The following AUTS2 variants were observed in gnomAD, a reference collection of about 807,000 sequenced individuals.
The protein encoded by AUTS2 is activator of transcription and developmental regulator AUTS2, also known as autism susceptibility gene 2 protein.
Under a neutral mutation model 112.4 loss-of-function variants are expected in AUTS2, and 17 were observed. The ratio of observed to expected loss-of-function variants is 0.15; its 90% CI spans 0.10 to 0.23. AUTS2 has a LOEUF of 0.23. Among genes scored for constraint, AUTS2 ranks in the 10% least tolerant of loss-of-function variants. The pLI is 1.00. For synonymous variants in AUTS2, 751 were observed against 702.7 expected, an observed-to-expected ratio of 1.07 and a Z score of -1.09; for missense variants, 1,510 against 1,701.6, an observed-to-expected ratio of 0.89 and a Z score of 1.98.
intron 1 of AUTS2, among the ~76,000 whole-genome samples, chr7:69,718,379 G>A (rs1445640555): frequency 2.6e-5 from 4 of 152,146 alleles, no homozygotes; most frequent in East Asian, 1.9e-4. Context: ...GGTGTCAGGG[G>A]GCTGTGTTCC....
Position 69,599,497 on chromosome 7 carries a change from C to G in AUTS2, c.-157C>G. ...CTTTTCTTTCTCCTCTCTTTCTTCCCCTCTCTCCCTTCTTTCGGCCGCCGT... is the reference window on the plus strand; with the variant it reads ...CTTTTCTTTCTCCTCTCTTTCTTCCGCTCTCTCCCTTCTTTCGGCCGCCGT... On this transcript the variant is annotated 5_prime_UTR_variant, in exon 1 of 19. Coordinates refer to ENST00000342771, the MANE Select transcript of AUTS2 (RefSeq NM_015570.4). This position sits in a 1 kb window ranked among gnomAD's most constrained non-coding sequence, Gnocchi z 7.0. The G allele has an allele frequency of 3.5e-6, 2 of 573,612 alleles. No individual in the cohort carries two copies. Among genetic ancestry groups the G allele is most frequent in the Non-Finnish European group, 5.1e-6 (2 of 392,636 alleles). The allele number at this position is 573,612 out of a possible 1,614,324, so 35.5% of individuals were successfully genotyped here.
At chr7:69,876,338 AAAAAAAAAAAAATATATAT>A (rs1793746091) in intron 1 of AUTS2, among the ~76,000 whole-genome samples, 1 of 88,658 alleles carries the variant, frequency 1.1e-5, no homozygotes, top group Non-Finnish European at 2.1e-5. Context: ...AAAAAAAAAA[AAAAAAAAAAAAATATATAT>A]ATATATATAT....
chr7:70,319,380 G>A (rs1269655159), intron 4 of AUTS2, among the ~76,000 whole-genome samples: 1 of 152,180 alleles, frequency 6.6e-6, no homozygotes, highest in Non-Finnish European at 1.5e-5. Flanking sequence ...AAGGAGACAG[G>A]TGAGGGTGCA....
Position 70,791,703 on chromosome 7 carries a change from C to A in AUTS2, c.*707C>A, listed in dbSNP as rs1010308137. On this transcript the variant is annotated 3_prime_UTR_variant, in exon 19 of 19. Transcript: ENST00000342771. Reference sequence around the variant, plus strand: ...AGGTCATATTTTCCCTGAACAAGCGCTTACGTGATATGACTCTGTTTTCCT... The same window carrying A: ...AGGTCATATTTTCCCTGAACAAGCGATTACGTGATATGACTCTGTTTTCCT... 5.2e-5 allele frequency: 8 copies of A among 152,516 alleles called. No individual in the cohort carries two copies. Among genetic ancestry groups the A allele is most frequent in the African/African-American group, 1.7e-4 (7 of 41,452 alleles). The allele number at this position is 152,516 out of a possible 1,614,324, so 9.4% of individuals were successfully genotyped here. A position where few individuals can be genotyped will look rare whatever the true frequency, so the allele number is the denominator to read the frequency against.
intron 5 of AUTS2, among the ~76,000 whole-genome samples, chr7:70,542,366 A>T (rs1800586740): frequency 6.6e-6 from 1 of 152,164 alleles, no homozygotes; most frequent in Admixed American, 6.5e-5. Flanking sequence ...CTGAACTCCT[A>T]GTCTAGACAT....
At chr7:70,319,456 T>G (rs1451109241) in intron 4 of AUTS2, among the ~76,000 whole-genome samples, 2 of 152,126 alleles carry the variant, frequency 1.3e-5, no homozygotes, top group African/African-American at 4.8e-5. Flanking sequence ...CCAGCGAAAT[T>G]GGTGAGATTT....
intron 1 of AUTS2, among the ~76,000 whole-genome samples, chr7:69,869,538 A>G (rs1793387626): frequency 6.6e-6 from 1 of 152,000 alleles, no homozygotes; most frequent in South Asian, 2.1e-4. Flanking sequence ...ATATATATAT[A>G]TATATACACA....
chr7:70,524,146 A>G (rs562753385), intron 5 of AUTS2, among the ~76,000 whole-genome samples: 26 of 152,202 alleles, frequency 1.7e-4, no homozygotes, highest in Non-Finnish European at 3.5e-4. Flanking sequence ...ATCTATTGAC[A>G]CTAGTTTATG....
chr7:70,230,134 G>A (rs1386368016), intron 4 of AUTS2, among the ~76,000 whole-genome samples: 1 of 151,614 alleles, frequency 6.6e-6, no homozygotes, highest in Non-Finnish European at 1.5e-5. Flanking sequence ...TTTTTTGCAT[G>A]CCTAATATTT....
chr7:70,500,635 C>T (rs1157456170), intron 5 of AUTS2, among the ~76,000 whole-genome samples: 1 of 152,176 alleles, frequency 6.6e-6, no homozygotes, highest in Admixed American at 6.5e-5. Context: ...TCATTTCTCC[C>T]GCTTCAGCCA....
intron 5 of AUTS2, among the ~76,000 whole-genome samples, chr7:70,492,215 C>T (rs1798277725): frequency 6.6e-6 from 1 of 152,120 alleles, no homozygotes; most frequent in South Asian, 2.1e-4. Context: ...ACCTGAGGGT[C>T]TCATTAGGTC....
In AUTS2 at chr7:70,607,368, T is replaced by C. The variant is rs1318166446; in HGVS notation, c.691-91201T>C. Among the ~76,000 whole-genome samples, 7 of 152,224 alleles carry C rather than the reference T, an allele frequency of 4.6e-5. No homozygotes were observed. In the East Asian group the frequency reaches 1.3e-3, roughly 29 times the overall value. The stretch of plus-strand genomic sequence containing the variant: ...GAATCCATTGATGGAAAGCCTATAT[T>C]TAAAAACGAACCTAGTGGAGGTGTA... On this transcript the variant is annotated intron_variant, in intron 5 of 18. Transcript: ENST00000342771.
chr7:70,109,171 CAG>C (rs947541784), intron 2 of AUTS2, among the ~76,000 whole-genome samples: 8 of 152,074 alleles, frequency 5.3e-5, no homozygotes, highest in African/African-American at 4.8e-5. Context: ...TTTTTAAAAA[CAG>C]AAAATCATAA....
intron 2 of AUTS2, among the ~76,000 whole-genome samples, chr7:69,953,583 A>T (rs923066238): frequency 1.3e-5 from 2 of 152,224 alleles, no homozygotes; most frequent in African/African-American, 4.8e-5. Context: ...ATGCTCTCCA[A>T]CATCTGGGGA....
In AUTS2 at chr7:70,353,972, G is replaced by A. The variant is rs182048053; in HGVS notation, c.661-81780G>A. ...TTAAATGCCACCGGTTTTTAATGCCGTTCCTTGGTGTGAGTTATTAGTTAT... is the reference window on the plus strand; with the variant it reads ...TTAAATGCCACCGGTTTTTAATGCCATTCCTTGGTGTGAGTTATTAGTTAT... On this transcript the variant is annotated intron_variant, in intron 4 of 18. Transcript: ENST00000342771. Among the ~76,000 whole-genome samples the A allele has an allele frequency of 3.0e-4, 45 of 152,282 alleles. 1 individual carries two copies. The highest frequency in any genetic ancestry group is 1.9e-3 in the East Asian group (10 of 5,186).
intron 5 of AUTS2, among the ~76,000 whole-genome samples, chr7:70,645,626 T>G (rs1419429687): frequency 1.3e-5 from 2 of 152,214 alleles, no homozygotes; most frequent in African/African-American, 4.8e-5. Context: ...GTATCTTGCC[T>G]TCCCTCCACC....
chr7:70,193,242 G>T (rs191673085), intron 4 of AUTS2, among the ~76,000 whole-genome samples: 45 of 152,308 alleles, frequency 3.0e-4, no homozygotes, highest in Non-Finnish European at 5.6e-4. Context: ...CTTGGTAGTG[G>T]CATTATCTAA....
At chr7:69,751,441 T>C (rs547206478) in intron 1 of AUTS2, among the ~76,000 whole-genome samples, 5 of 152,214 alleles carry the variant, frequency 3.3e-5, no homozygotes, top group Admixed American at 3.3e-4. Flanking sequence ...AAGAGTGAGG[T>C]GACAGGGACT....
chr7:69,699,914 G>A (rs1797734807), intron 1 of AUTS2, among the ~76,000 whole-genome samples: 1 of 152,090 alleles, frequency 6.6e-6, no homozygotes, highest in Non-Finnish European at 1.5e-5. Flanking sequence ...CAAAGTGCTG[G>A]GATTACAGGC....
Sources: gnomAD v4.1 joint callset for allele counts (sites outside exome capture counted in the v4.1 genomes callset) on GRCh38, gnomAD v4.1.1 for gene constraint, Gnocchi (gnomAD v3.1) non-coding constraint, MANE v1.5 for transcripts, NCBI Gene and HGNC (gene_info 2026-07-23, HGNC 2026-07-21) for gene names.